TPST1: variants seen among roughly 807,000 people sequenced by gnomAD.
The protein encoded by TPST1 is protein-tyrosine sulfotransferase 1.
In TPST1, 20 loss-of-function variants were observed where a neutral mutation model predicts 34.8. The observed-to-expected ratio is 0.57, with a 90% CI of 0.40 to 0.84. TPST1 has a LOEUF of 0.84. Ranked by LOEUF, TPST1 falls within the 40% of genes least tolerant of loss-of-function variation. The probability of loss-of-function intolerance (pLI) is 0.00; values close to 1 mark genes in which losing one functional copy is unlikely to be tolerated. For missense variants in TPST1, 353 were observed against 455.5 expected (o/e 0.78, Z 2.05); for synonymous variants, 152 against 159.4 (o/e 0.95, Z 0.35).
chr7:66,232,609 G>A (rs777378826), intron 1 of TPST1, among the ~76,000 whole-genome samples: 6 of 151,984 alleles, frequency 3.9e-5, no homozygotes, highest in Non-Finnish European at 8.8e-5. Flanking sequence ...CACCTGCCTC[G>A]GCCTCCCAAA....
Position 66,349,851 on chromosome 7 carries a change from A to G in TPST1, c.1045-2654A>G, listed in dbSNP as rs1039929736. 3.3e-5 allele frequency among the ~76,000 whole-genome samples: 5 copies of G among 152,180 alleles called. No individual in the cohort carries two copies. The South Asian group carries it at 8.3e-4, about 25-fold the overall frequency. ...AAACCCAAAACAAATAAAACATTCT[A>G]GTAGCTTCAGCCCCTCCACTGGGCA... is the stretch of plus-strand genomic sequence containing the variant. On this transcript the variant is annotated intron_variant, in intron 3 of 5. Transcript: ENST00000304842.
At position 66,240,933 on chromosome 7, in the gene TPST1, C is replaced by T. The variant is rs1277103078; in HGVS notation, c.508C>T (p.Leu170Phe). The change falls in exon 2 of 6, where the codon CTT (leucine) becomes TTT (phenylalanine). Residue 170 changes from leucine to phenylalanine, a missense_variant. Physicochemically the swap from Leu to Phe is conservative, Grantham distance 22. Transcript: ENST00000304842. ...DPFALKSLTY[L>F]SRLFPNAKFL... ...TTTTGCCCTGAAATCTTTAACTTAC[C>T]TTTCTAGGTTATTCCCCAATGCCAA... The T allele has an allele frequency of 6.2e-7, 1 of 1,614,036 alleles. No individual in the cohort carries two copies. The highest frequency in any genetic ancestry group is 1.3e-5 in the African/African-American group (1 of 74,914).
intron 3 of TPST1, among the ~76,000 whole-genome samples, chr7:66,318,830 A>G (rs1353734670): frequency 1.3e-5 from 2 of 152,112 alleles, no homozygotes; most frequent in African/African-American, 2.4e-5. Context: ...GAATATTTTT[A>G]CTTCACTCTA....
intron 2 of TPST1, among the ~76,000 whole-genome samples, chr7:66,243,343 G>A (rs1790075974): frequency 6.6e-6 from 1 of 152,108 alleles, no homozygotes; most frequent in South Asian, 2.1e-4. Flanking sequence ...AAACTTAAAA[G>A]CAAAATAATA....
In TPST1 at chr7:66,300,240, GTC is replaced by G. The variant is rs539448389; in HGVS notation, c.1044+13533_1044+13534del. On this transcript the variant is annotated intron_variant, in intron 3 of 5. Transcript: ENST00000304842. Reference sequence around the variant, plus strand: ...TATGTAATATTCTATATCCTTTGCTGTCTTTTCAACAATATTCACAGCATCTT... The same window carrying G: ...TATGTAATATTCTATATCCTTTGCTGTTTTCAACAATATTCACAGCATCTT... Among the ~76,000 whole-genome samples the G allele has an allele frequency of 5.3e-5, 8 of 152,252 alleles. No individual in the cohort carries two copies. In the East Asian group the frequency reaches 1.5e-3, roughly 29 times the overall value.
At chr7:66,226,184 G>A (rs907120992) in intron 1 of TPST1, among the ~76,000 whole-genome samples, 1 of 152,224 alleles carries the variant, frequency 6.6e-6, no homozygotes, top group Admixed American at 6.5e-5. Context: ...ACTGTGCCCC[G>A]CCAGGTACCT....
At chr7:66,349,202 G>A (rs781105345) in intron 3 of TPST1, among the ~76,000 whole-genome samples, 5 of 152,180 alleles carry the variant, frequency 3.3e-5, no homozygotes, top group East Asian at 3.8e-4. Context: ...TGAGTTAAAC[G>A]TTCTGCATAA....
rs116845586 is a variant in TPST1, at chr7:66,298,123, T to C, written c.1044+11414T>C. Among the ~76,000 whole-genome samples the C allele has an allele frequency of 2.8e-3, 429 of 152,344 alleles. 16 individuals are homozygous for C. The East Asian group carries it at 0.076, about 27-fold the overall frequency. Reference sequence around the variant, plus strand: ...GTTTTATGGCCAGTATATGGTCTTATGTGATCAGTTGAAAAAATATGTATT... The same window carrying C: ...GTTTTATGGCCAGTATATGGTCTTACGTGATCAGTTGAAAAAATATGTATT... On this transcript the variant is annotated intron_variant, in intron 3 of 5. Coordinates refer to ENST00000304842, the MANE Select transcript of TPST1 (RefSeq NM_003596.4).
At chr7:66,357,946 T>A (rs1257081146) in intron 5 of TPST1, among the ~76,000 whole-genome samples, 3 of 152,122 alleles carry the variant, frequency 2.0e-5, no homozygotes, top group Non-Finnish European at 4.4e-5. Flanking sequence ...TAGCTGGGTG[T>A]GGTGGCAGGG....
At chr7:66,307,836 A>T (rs756675659) in intron 3 of TPST1, among the ~76,000 whole-genome samples, 3 of 152,234 alleles carry the variant, frequency 2.0e-5, no homozygotes, top group Non-Finnish European at 4.4e-5. Context: ...AGTGGCTGAT[A>T]AAATAATGAG....
chr7:66,326,754 C>T (rs1382124830), intron 3 of TPST1, among the ~76,000 whole-genome samples: 1 of 152,198 alleles, frequency 6.6e-6, no homozygotes, highest in Non-Finnish European at 1.5e-5. Flanking sequence ...ATACACTGAA[C>T]CATTTCCTTT....
intron 1 of TPST1, among the ~76,000 whole-genome samples, chr7:66,223,336 C>T (rs969169458): frequency 6.6e-6 from 1 of 151,084 alleles, no homozygotes; most frequent in Admixed American, 6.6e-5. Context: ...GTTTGCATGC[C>T]CCTGCAGTCC....
chr7:66,274,078 C>G (rs1455835976), intron 2 of TPST1, among the ~76,000 whole-genome samples: 1 of 150,994 alleles, frequency 6.6e-6, no homozygotes, highest in African/African-American at 2.4e-5. Context: ...CTTAAGAGAC[C>G]CACCTTCCAG....
chr7:66,208,398 T>G (rs2116200265), intron 1 of TPST1, among the ~76,000 whole-genome samples: 1 of 152,258 alleles, frequency 6.6e-6, no homozygotes, highest in Non-Finnish European at 1.5e-5. Flanking sequence ...TTAGTTTGGG[T>G]TAGGTGACTT....
At chr7:66,202,301 C>G (rs1011380410), upstream of TPST1, among the ~76,000 whole-genome samples, 1 of 152,206 alleles carries the variant, frequency 6.6e-6, no homozygotes, top group African/African-American at 2.4e-5. Flanking sequence ...GACCCTGCTT[C>G]TTACTTCTGC....
intron 2 of TPST1, among the ~76,000 whole-genome samples, chr7:66,252,746 T>G (rs1377908712): frequency 6.6e-6 from 1 of 152,200 alleles, no homozygotes; most frequent in Non-Finnish European, 1.5e-5. Context: ...TAAACTTGTA[T>G]TTACCAATCT....
upstream of TPST1, among the ~76,000 whole-genome samples, chr7:66,201,584 G>A (rs779983647): frequency 6.6e-6 from 1 of 151,754 alleles, no homozygotes; most frequent in African/African-American, 2.4e-5. Flanking sequence ...CCAGCTACTC[G>A]AGAGGCTGAT....
At chr7:66,336,894 CT>C (rs1477044905) in intron 3 of TPST1, among the ~76,000 whole-genome samples, 1 of 152,128 alleles carries the variant, frequency 6.6e-6, no homozygotes, top group Non-Finnish European at 1.5e-5. Flanking sequence ...CCCAATAGAG[CT>C]TTCAGCAGAT....
chr7:66,266,052 A>G (rs766240456), intron 2 of TPST1, among the ~76,000 whole-genome samples: 2 of 152,252 alleles, frequency 1.3e-5, no homozygotes, highest in Admixed American at 1.3e-4. Flanking sequence ...GCATGAAAGA[A>G]TAAAGAACAT....
Sources: gnomAD v4.1 joint callset for allele counts (sites outside exome capture counted in the v4.1 genomes callset) on GRCh38, gnomAD v4.1.1 for gene constraint, MANE v1.5 for transcripts, NCBI Gene and HGNC (gene_info 2026-07-23, HGNC 2026-07-21) for gene names.